Variants in PRKG1 observed in about 807,000 individuals in gnomAD.
PRKG1 encodes cGMP-dependent protein kinase 1.
A neutral mutation model predicts 88.1 loss-of-function variants in PRKG1; 35 were observed. The ratio of observed to expected loss-of-function variants is 0.40; its 90% CI spans 0.30 to 0.53. The LOEUF (loss-of-function observed/expected upper bound fraction) is 0.53. Ranked by LOEUF, PRKG1 falls within the 20% of genes least tolerant of loss-of-function variation. PRKG1 has a pLI of 0.59. For missense variants in PRKG1, 540 were observed against 839.8 expected, an observed-to-expected ratio of 0.64 and a Z score of 4.41; for synonymous variants, 303 against 292.5, an observed-to-expected ratio of 1.04 and a Z score of -0.37.
chr10:51,132,606 T>C (rs1845594338), intron 1 of PRKG1, among the ~76,000 whole-genome samples: 1 of 150,648 alleles, frequency 6.6e-6, no homozygotes, highest in African/African-American at 2.4e-5. Context: ...TCTGATTTAA[T>C]AAAAAGACAG....
chr10:51,196,528 C>G (rs1197255405), intron 2 of PRKG1, among the ~76,000 whole-genome samples: 2 of 152,142 alleles, frequency 1.3e-5, no homozygotes, highest in East Asian at 3.9e-4. Context: ...ATTGTACCAA[C>G]TTTTATGCAT....
At chr10:51,671,872 G>A (rs1201785819) in intron 3 of PRKG1, among the ~76,000 whole-genome samples, 1 of 151,938 alleles carries the variant, frequency 6.6e-6, no homozygotes, top group African/African-American at 2.4e-5. Flanking sequence ...TAAGAATACT[G>A]GTGATAGTGA....
intron 2 of PRKG1, among the ~76,000 whole-genome samples, chr10:51,267,815 A>T (rs982017452): frequency 7.2e-5 from 11 of 152,204 alleles, no homozygotes; most frequent in Non-Finnish European, 1.5e-4. Context: ...AATTAAAATA[A>T]AAAGCTTCTG....
At chr10:52,031,948 A>C (rs1158857659) in intron 5 of PRKG1, among the ~76,000 whole-genome samples, 1 of 152,228 alleles carries the variant, frequency 6.6e-6, no homozygotes, top group East Asian at 1.9e-4. Flanking sequence ...AGGCATCCAC[A>C]ATACAACTAA....
chr10:51,115,384 TA>T (rs869286319), intron 1 of PRKG1, among the ~76,000 whole-genome samples: 1 of 80,718 alleles, frequency 1.2e-5, no homozygotes, highest in Non-Finnish European at 2.8e-5. Context: ...TATATATATA[TA>T]AAACAAATGT....
At chr10:51,691,872 T>A (rs1841153643) in intron 3 of PRKG1, among the ~76,000 whole-genome samples, 1 of 152,198 alleles carries the variant, frequency 6.6e-6, no homozygotes, top group South Asian at 2.1e-4. Flanking sequence ...TGAGGTTTCT[T>A]GTCCAAAGAT....
rs78751561 is a variant in PRKG1 at position 52,211,914 on chromosome 10, A to G, written c.1077-39656A>G. Among the ~76,000 whole-genome samples the G allele has an allele frequency of 2.6e-5, 4 of 152,254 alleles. No individual in the cohort carries two copies. In the East Asian group the frequency reaches 7.7e-4, roughly 29 times the overall value. ...ATGAAAAGATTTCTATAAATCTTATATTTCTAAAGTTACATGAATTCAATA... is the reference window on the plus strand; with the variant it reads ...ATGAAAAGATTTCTATAAATCTTATGTTTCTAAAGTTACATGAATTCAATA... On this transcript the variant is annotated intron_variant, in intron 9 of 17. Transcript: ENST00000373980.
At chr10:51,833,650 A>G (rs966157053) in intron 4 of PRKG1, among the ~76,000 whole-genome samples, 20 of 152,188 alleles carry the variant, frequency 1.3e-4, no homozygotes, top group Admixed American at 1.3e-3. Context: ...CCAAATCAGG[A>G]CAATTAGCCT....
chr10:52,215,952 C>T (rs1472368669), intron 9 of PRKG1, among the ~76,000 whole-genome samples: 1 of 152,146 alleles, frequency 6.6e-6, no homozygotes, highest in African/African-American at 2.4e-5. Context: ...CAGTGGCCAT[C>T]TGGAGAATAT....
chr10:51,423,586 T>C (rs1298754880), intron 2 of PRKG1, among the ~76,000 whole-genome samples: 1 of 152,200 alleles, frequency 6.6e-6, no homozygotes, highest in Non-Finnish European at 1.5e-5. Flanking sequence ...AATTTATTTT[T>C]CAATTTTTGA....
At chr10:51,947,146 C>T (rs1843060370) in intron 5 of PRKG1, among the ~76,000 whole-genome samples, 2 of 151,716 alleles carry the variant, frequency 1.3e-5, no homozygotes, top group African/African-American at 4.9e-5. Context: ...GCTTTGTTTA[C>T]CTAAGCAAGC....
intron 3 of PRKG1, among the ~76,000 whole-genome samples, chr10:51,656,975 A>G (rs1564593033): frequency 6.6e-6 from 1 of 152,124 alleles, no homozygotes; most frequent in Non-Finnish European, 1.5e-5. Flanking sequence ...AGTTACTTGA[A>G]TTCTCTGTGC....
intron 1 of PRKG1, among the ~76,000 whole-genome samples, chr10:51,130,600 C>T (rs1217296556): frequency 6.6e-6 from 1 of 151,876 alleles, no homozygotes; most frequent in Non-Finnish European, 1.5e-5. Flanking sequence ...TGTCATGCAT[C>T]ACCCACTCAA....
chr10:51,056,815 C>G (rs1216393748), intron 1 of PRKG1, among the ~76,000 whole-genome samples: 3 of 152,128 alleles, frequency 2.0e-5, no homozygotes, highest in Admixed American at 1.3e-4. Flanking sequence ...AAAATGAACC[C>G]CTGACCCCAT....
At chr10:51,503,868 A>G (rs1301532735) in intron 3 of PRKG1, among the ~76,000 whole-genome samples, 3 of 152,208 alleles carry the variant, frequency 2.0e-5, no homozygotes, top group Non-Finnish European at 4.4e-5. Context: ...GTTAAACAAT[A>G]GAAAATCAGT....
chr10:51,040,314 T>TC (rs1297186729), intron 1 of PRKG1, among the ~76,000 whole-genome samples: 1 of 92,980 alleles, frequency 1.1e-5, no homozygotes, highest in African/African-American at 3.3e-5. Context: ...TTTTTCTCTT[T>TC]TTTTTTTTTT....
intron 2 of PRKG1, among the ~76,000 whole-genome samples, chr10:51,183,515 A>C (rs568083988): frequency 1.3e-5 from 2 of 151,250 alleles, no homozygotes; most frequent in South Asian, 4.2e-4. Flanking sequence ...ACGTGGTCAC[A>C]TTTGGTCCTC....
chr10:51,182,994 AT>A (rs1837388222), intron 2 of PRKG1, among the ~76,000 whole-genome samples: 1 of 152,314 alleles, frequency 6.6e-6, no homozygotes, highest in African/African-American at 2.4e-5. Context: ...CATATTTAAT[AT>A]TGATTAAAAA....
chr10:51,457,187 C>T (rs184394317), intron 2 of PRKG1, among the ~76,000 whole-genome samples: 65 of 152,274 alleles, frequency 4.3e-4, no homozygotes, highest in Admixed American at 2.0e-3. Context: ...AAATGTCCAT[C>T]AATCAATGAG....
Sources: allele counts gnomAD v4.1 joint callset (sites outside exome capture counted in the v4.1 genomes callset), GRCh38; gene constraint gnomAD v4.1.1; transcripts MANE v1.5; gene names NCBI Gene and HGNC (gene_info 2026-07-23, HGNC 2026-07-21).